Variants in ZNF385D observed in about 807,000 individuals in gnomAD.
ZNF385D encodes zinc finger protein 659.
ZNF385D carries 15 observed loss-of-function variants against 35.8 expected under a neutral mutation model. The ratio of observed to expected loss-of-function variants is 0.42; its 90% confidence interval spans 0.28 to 0.64. The LOEUF is 0.64. ZNF385D is among the 30% of genes least tolerant of loss of function. ZNF385D has a pLI of 0.23. For missense variants in ZNF385D, 474 were observed against 494.6 expected, an observed-to-expected ratio of 0.96 and a Z score of 0.39; for synonymous variants, 212 against 186.8, an observed-to-expected ratio of 1.13 and a Z score of -1.10.
chr3:21,753,748 A>T (rs2070209902), upstream of ZNF385D, among the ~76,000 whole-genome samples: 1 of 130,962 alleles, frequency 7.6e-6, no homozygotes, highest in African/African-American at 3.0e-5. Context: ...TACATTTATT[A>T]AAAAATGCAA....
chr3:21,915,448 T>C (rs866816236), intron 3 of ZNF385D, among the ~76,000 whole-genome samples: 2 of 152,212 alleles, frequency 1.3e-5, no homozygotes, highest in African/African-American at 4.8e-5. Flanking sequence ...CTTTTTAATG[T>C]AGATGTATCT....
intron 2 of ZNF385D, among the ~76,000 whole-genome samples, chr3:21,583,970 A>G (rs2063740040): frequency 6.7e-6 from 1 of 149,082 alleles, no homozygotes; most frequent in South Asian, 2.1e-4. Context: ...TTATTTATTT[A>G]TTTATTTATT....
At chr3:22,036,673 A>G (rs1250745294) in intron 3 of ZNF385D, among the ~76,000 whole-genome samples, 4 of 151,770 alleles carry the variant, frequency 2.6e-5, no homozygotes, top group African/African-American at 4.8e-5. Context: ...CCCTTCTTTT[A>G]GAATACAATA....
rs946410433 is a variant in ZNF385D at position 21,414,322 on chromosome 3, A to G, written c.*6892T>C. 7 of 152,082 alleles carry G rather than the reference A, an allele frequency of 4.6e-5. No individual in the cohort carries two copies. Among genetic ancestry groups the G allele is most frequent in the African/African-American group, 1.7e-4 (7 of 41,412 alleles). The allele number at this position is 152,082 out of a possible 1,614,324, so 9.4% of individuals were successfully genotyped here. A position where few individuals can be genotyped will look rare whatever the true frequency, so the allele number is the denominator to read the frequency against. On this transcript the variant is annotated 3_prime_UTR_variant, in exon 8 of 8. Coordinates refer to ENST00000281523, the MANE Select transcript of ZNF385D (RefSeq NM_024697.3). ...ACTAAAAATATTCCCCGAAGAAACA[A>G]TGTTCTTTGCATATAGCTCCATGTG...
chr3:21,924,021 C>T (rs1451401222), intron 3 of ZNF385D, among the ~76,000 whole-genome samples: 2 of 152,076 alleles, frequency 1.3e-5, no homozygotes, highest in Admixed American at 1.3e-4. Flanking sequence ...TATATTTATG[C>T]CTCAAAATTA....
chr3:22,049,909 G>C (rs1190831037), intron 3 of ZNF385D, among the ~76,000 whole-genome samples: 1 of 152,054 alleles, frequency 6.6e-6, no homozygotes, highest in East Asian at 1.9e-4. Context: ...TTAATATTTT[G>C]TTGAGGAATT....
intron 2 of ZNF385D, among the ~76,000 whole-genome samples, chr3:22,352,429 G>C (rs1575178369): frequency 1.3e-5 from 2 of 152,296 alleles, no homozygotes; most frequent in Middle Eastern, 6.8e-3. Flanking sequence ...GCATGACACG[G>C]TGTGACTGAG....
intron 3 of ZNF385D, among the ~76,000 whole-genome samples, chr3:21,562,708 G>C (rs1357366864): frequency 6.6e-6 from 1 of 152,124 alleles, no homozygotes; most frequent in Admixed American, 6.5e-5. Context: ...TTTAGGAAAA[G>C]AGGAACTAAA....
At chr3:22,224,233 C>G (rs548227937) in intron 2 of ZNF385D, among the ~76,000 whole-genome samples, 2 of 152,122 alleles carry the variant, frequency 1.3e-5, no homozygotes, top group South Asian at 4.2e-4. Context: ...GTTATTTCAT[C>G]CATGAAAAGA....
intron 1 of ZNF385D, among the ~76,000 whole-genome samples, chr3:21,705,854 C>T (rs1575497733): frequency 6.6e-6 from 1 of 152,162 alleles, no homozygotes; most frequent in East Asian, 1.9e-4. Flanking sequence ...TCCCTTGCTT[C>T]CTGACCCTGC....
At chr3:21,945,400 G>A (rs11715520) in intron 3 of ZNF385D, among the ~76,000 whole-genome samples, 17,444 of 152,042 alleles carry the variant, frequency 0.11, 1,324 homozygotes, top group South Asian at 0.26. Context: ...TTAGTTGTAT[G>A]TTTTCTTCAT....
At chr3:22,023,626 G>C (rs898584790) in intron 3 of ZNF385D, among the ~76,000 whole-genome samples, 1 of 151,628 alleles carries the variant, frequency 6.6e-6, no homozygotes, top group African/African-American at 2.4e-5. Flanking sequence ...CAAACAAAAA[G>C]ATATTTTAAA....
intron 2 of ZNF385D, among the ~76,000 whole-genome samples, chr3:22,191,085 A>G (rs1695988614): frequency 6.6e-6 from 1 of 152,184 alleles, no homozygotes; most frequent in Admixed American, 6.6e-5. Context: ...TTATTTTTAA[A>G]AAAATAAACA....
chr3:22,283,902 T>C (rs1701894684), intron 2 of ZNF385D, among the ~76,000 whole-genome samples: 1 of 152,142 alleles, frequency 6.6e-6, no homozygotes, highest in South Asian at 2.1e-4. Flanking sequence ...CATCTGACCC[T>C]CAAGTTCTTT....
chr3:22,210,631 G>A (rs1429599608), intron 2 of ZNF385D, among the ~76,000 whole-genome samples: 2 of 151,820 alleles, frequency 1.3e-5, no homozygotes. Flanking sequence ...CAAACAGGAT[G>A]TTTCTGGCAT....
chr3:22,278,036 A>ATC (rs1701521607), intron 2 of ZNF385D, among the ~76,000 whole-genome samples: 1 of 152,056 alleles, frequency 6.6e-6, no homozygotes, highest in Admixed American at 6.6e-5. Flanking sequence ...AACACTGTGT[A>ATC]TCTCCACCAC....
At chr3:21,596,475 G>A (rs2064130265) in intron 2 of ZNF385D, among the ~76,000 whole-genome samples, 1 of 151,966 alleles carries the variant, frequency 6.6e-6, no homozygotes, top group Admixed American at 6.6e-5. Flanking sequence ...ATTTTTTGAG[G>A]TGATGTTATG....
intron 3 of ZNF385D, among the ~76,000 whole-genome samples, chr3:21,972,959 C>A (rs187698401): frequency 2.6e-5 from 4 of 151,982 alleles, no homozygotes; most frequent in South Asian, 2.1e-4. Flanking sequence ...TACTAGGACC[C>A]AGCGGCTTCA....
chr3:21,933,754 C>T (rs959435139), intron 3 of ZNF385D, among the ~76,000 whole-genome samples: 1 of 152,112 alleles, frequency 6.6e-6, no homozygotes, highest in Non-Finnish European at 1.5e-5. Context: ...CAAATTGTTT[C>T]AACTCAATTC....
Sources: gnomAD v4.1 joint callset for allele counts (sites outside exome capture counted in the v4.1 genomes callset) on GRCh38, gnomAD v4.1.1 for gene constraint, MANE v1.5 for transcripts, NCBI Gene and HGNC (gene_info 2026-07-23, HGNC 2026-07-21) for gene names.